The following ANKRD52 variants were observed in gnomAD, a reference collection of about 807,000 sequenced individuals.
ANKRD52 encodes the protein ankyrin repeat domain 52.
Under a neutral mutation model 116.0 loss-of-function variants are expected in ANKRD52, and 7 were observed. The ratio of observed to expected loss-of-function variants is 0.06; its 90% CI spans 0.03 to 0.11. The LOEUF (loss-of-function observed/expected upper bound fraction) is 0.11, where lower values mean the gene tolerates loss of function less well. Ranked by LOEUF, ANKRD52 falls within the 10% of genes least tolerant of loss-of-function variation. The probability of loss-of-function intolerance (pLI) is 1.00; values close to 1 mark genes in which losing one functional copy is unlikely to be tolerated. For synonymous variants in ANKRD52, 528 were observed against 578.1 expected, an observed-to-expected ratio of 0.91 and a Z score of 1.24; for missense variants, 839 against 1,408.6, an observed-to-expected ratio of 0.60 and a Z score of 6.47.
rs542975741 is a variant in ANKRD52 at position 56,245,513 on chromosome 12, C to T, written c.2268G>A (p.Thr756=). ...FVLCRDFKGR[T]PIHLASACGH... ...CACAGGCTGAGGCCAGGTGAATGGGCGTGCGGCCCTTAAAGTCTCGGCACA... is the reference window on the plus strand; with the variant it reads ...CACAGGCTGAGGCCAGGTGAATGGGTGTGCGGCCCTTAAAGTCTCGGCACA... The change falls in exon 21 of 28, where the codon ACG becomes ACA. Residue 756 remains threonine (T), a synonymous_variant. Coordinates refer to ENST00000267116, the MANE Select transcript of ANKRD52 (RefSeq NM_173595.4). 92 of 1,611,626 alleles carry T rather than the reference C, an allele frequency of 5.7e-5. No homozygotes were observed. Among genetic ancestry groups the T allele is most frequent in the South Asian group, 3.3e-4 (30 of 90,970 alleles).
chr12:56,252,255 A>G lies in ANKRD52; in HGVS notation c.1431T>C (p.Thr477=). The G allele has an allele frequency of 6.2e-7, 1 of 1,614,022 alleles. No homozygotes were observed. Among genetic ancestry groups the G allele is most frequent in the Non-Finnish European group, 8.5e-7 (1 of 1,179,878 alleles). ...GSYQCAVTLV[T]AGAGVNEADC... is the part of the protein sequence containing the mutation. The stretch of plus-strand genomic sequence containing the variant: ...CGGCCTCGTTGACACCTGCCCCAGC[A>G]GTCACCAATGTTACTGCACACTGGT... Residue 477 remains threonine (T), a synonymous_variant, in exon 14 of 28, where the codon ACT becomes ACC. Transcript: ENST00000267116. The surrounding 1 kb of genome is among the most constrained non-coding windows in gnomAD (Gnocchi z 4.7).
rs201737782 is a variant in ANKRD52, at chr12:56,245,546, T to C, written c.2235A>G (p.Ala745=). ...DCLAALLDHD[A]FVLCRDFKGR... ...CCTTAAAGTCTCGGCACAGCACAAATGCGTCGTGGTCCAGCAGGGCAGCCA... is the reference window on the plus strand; with the variant it reads ...CCTTAAAGTCTCGGCACAGCACAAACGCGTCGTGGTCCAGCAGGGCAGCCA... Residue 745 remains alanine (A), a synonymous_variant, in exon 21 of 28, where the codon GCA becomes GCG. Transcript: ENST00000267116. 98 of 1,610,136 alleles carry C rather than the reference T, an allele frequency of 6.1e-5. No individual in the cohort carries two copies. Among genetic ancestry groups the C allele is most frequent in the Non-Finnish European group, 8.2e-5 (97 of 1,178,546 alleles).
At position 56,253,260 on chromosome 12, in the gene ANKRD52, C is replaced by A. The variant is rs1565611698; in HGVS notation, c.1100+28G>T. On this transcript the variant is annotated intron_variant, in intron 10 of 27. Transcript: ENST00000267116. The surrounding 1 kb of genome is among the most constrained non-coding windows in gnomAD (Gnocchi z 5.5). ...GCAGTCTGTGCAGATCTGGGCAGCC[C>A]AGAAGTGGAGTCGGGGCCCTGACTC... 6.2e-7 allele frequency: 1 copy of A among 1,600,290 alleles called. No homozygotes were observed. The highest frequency in any genetic ancestry group is 2.2e-5 in the East Asian group (1 of 44,766).
At position 56,253,299 on chromosome 12, in the gene ANKRD52, T is replaced by G; in HGVS notation, c.1089A>C (p.Ala363=). 6.2e-7 allele frequency: 1 copy of G among 1,613,542 alleles called. No individual in the cohort carries two copies. The highest frequency in any genetic ancestry group is 2.2e-5 in the East Asian group (1 of 44,876). The change falls in exon 10 of 28, where the codon GCA becomes GCC. Residue 363 remains alanine, a synonymous_variant. Coordinates refer to ENST00000267116, the MANE Select transcript of ANKRD52 (RefSeq NM_173595.4). The surrounding 1 kb of genome is among the most constrained non-coding windows in gnomAD (Gnocchi z 5.5). ...LLISTLMTNG[A]DTARRGIHDM... is the part of the protein sequence containing the mutation. ...GGGCCCTGACTCACCGGGCGGTATC[T>G]GCGCCATTGGTCATGAGGGTGCTGA...
In ANKRD52 at chr12:56,253,551, A is replaced by G; in HGVS notation, c.986-149T>C. The G allele has an allele frequency of 1.1e-6, 1 of 937,732 alleles. No individual in the cohort carries two copies. Among genetic ancestry groups the G allele is most frequent in the Non-Finnish European group, 1.6e-6 (1 of 610,738 alleles). 58.1% of individuals were successfully genotyped at this position (937,732 alleles called of 1,614,324 possible). ...TTTTATCCTGTTTCTAGGCCTTAGG[A>G]GACTGGGCAGGGCAGAGCAGGGCCA... is the stretch of plus-strand genomic sequence containing the variant. On this transcript the variant is annotated intron_variant, in intron 9 of 27. Coordinates refer to ENST00000267116, the MANE Select transcript of ANKRD52 (RefSeq NM_173595.4). This position sits in a 1 kb window ranked among gnomAD's most constrained non-coding sequence, Gnocchi z 5.5.
chr12:56,254,995 T>C lies in ANKRD52; in HGVS notation c.463-43A>G. On this transcript the variant is annotated intron_variant, in intron 5 of 27. Transcript: ENST00000267116. This position sits in a 1 kb window ranked among gnomAD's most constrained non-coding sequence, Gnocchi z 4.6. Reference sequence around the variant, plus strand: ...AGACACCTGTTCAGAGCTAGATTCGTGCCCTCAACCTACCTAAGAGCAGAG... The same window carrying C: ...AGACACCTGTTCAGAGCTAGATTCGCGCCCTCAACCTACCTAAGAGCAGAG... 6.3e-7 allele frequency: 1 copy of C among 1,584,976 alleles called. No homozygotes were observed. The highest frequency in any genetic ancestry group is 8.7e-7 in the Non-Finnish European group (1 of 1,155,350).
Position 56,252,475 on chromosome 12 carries a change from T to C in ANKRD52, c.1370+27A>G, listed in dbSNP as rs759727289. On this transcript the variant is annotated intron_variant, in intron 13 of 27. Transcript: ENST00000267116. The surrounding 1 kb of genome is among the most constrained non-coding windows in gnomAD (Gnocchi z 4.7). Reference sequence around the variant, plus strand: ...TTTGTTTCTCTAATCAGATATTCCCTATGTTTACCCCTGCATATTAGCATA... The same window carrying C: ...TTTGTTTCTCTAATCAGATATTCCCCATGTTTACCCCTGCATATTAGCATA... The C allele has an allele frequency of 6.8e-6, 11 of 1,607,628 alleles. No homozygotes were observed. The South Asian group carries it at 1.2e-4, about 18-fold the overall frequency.
At position 56,248,057 on chromosome 12, in the gene ANKRD52, C is replaced by T. The variant is rs1433894703; in HGVS notation, c.1944G>A (p.Glu648=). ...TAHGASALIK[E]RKRKWTPLHA... is the part of the protein sequence containing the mutation. ...GCAGGGGTGTCCACTTGCGCTTGCG[C>T]TCCTTGATGAGGGCAGAGGCGCCGT... The change falls in exon 18 of 28, where the codon GAG becomes GAA. Residue 648 remains glutamate (E), a synonymous_variant. Coordinates refer to ENST00000267116, the MANE Select transcript of ANKRD52 (RefSeq NM_173595.4). This position sits in a 1 kb window ranked among gnomAD's most constrained non-coding sequence, Gnocchi z 5.1. The T allele has an allele frequency of 6.2e-7, 1 of 1,609,738 alleles. No homozygotes were observed. The highest frequency in any genetic ancestry group is 1.7e-5 in the Admixed American group (1 of 59,994).
At chr12:56,249,053 C>G (rs969054735) in intron 15 of ANKRD52, among the ~76,000 whole-genome samples, 183 bp from the exon 16 acceptor site, 1 of 152,224 alleles carries the variant, frequency 6.6e-6, no homozygotes, top group Non-Finnish European at 1.5e-5. Flanking sequence ...CCCACTTTAC[C>G]TTCTCAAGGT....
chr12:56,241,124 G>C lies in ANKRD52; in HGVS notation c.*2018C>G, dbSNP rs1871149847. ...AGGTCACATTGATTGTCATATAGGGGAGGACACGGTGTGGAGGGAGGTGGG... is the reference window on the plus strand; with the variant it reads ...AGGTCACATTGATTGTCATATAGGGCAGGACACGGTGTGGAGGGAGGTGGG... On this transcript the variant is annotated 3_prime_UTR_variant, in exon 28 of 28. Coordinates refer to ENST00000267116, the MANE Select transcript of ANKRD52 (RefSeq NM_173595.4). The C allele has an allele frequency of 6.6e-6, 1 of 152,230 alleles. No individual in the cohort carries two copies. The highest frequency in any genetic ancestry group is 2.4e-5 in the African/African-American group (1 of 41,452). 9.4% of individuals were successfully genotyped at this position (152,230 alleles called of 1,614,324 possible).
rs1404675889 is a variant in ANKRD52 at position 56,244,470 on chromosome 12, C to T, written c.2723-35G>A. 4 of 1,609,600 alleles carry T rather than the reference C, an allele frequency of 2.5e-6. No homozygotes were observed. In the Admixed American group the frequency reaches 5.0e-5, roughly 20 times the overall value. On this transcript the variant is annotated intron_variant, in intron 24 of 27. Transcript: ENST00000267116. This position sits in a 1 kb window ranked among gnomAD's most constrained non-coding sequence, Gnocchi z 4.9. ...AAATGTGATAGAGGGACTGACCCCT[C>T]CCTCCAGAGCAGTAGCCATCCTGGC...
chr12:56,252,044 C>T lies in ANKRD52; in HGVS notation c.1563G>A (p.Leu521=), dbSNP rs767145471. 2 of 1,613,948 alleles carry T rather than the reference C, an allele frequency of 1.2e-6. No homozygotes were observed. The highest frequency in any genetic ancestry group is 1.3e-5 in the African/African-American group (1 of 75,066). The part of the protein sequence containing the change: ...SSHDAEEDEP[L]KESRRKEAFF... ...AGGCCTCCTTCCTGCGGGACTCCTT[C>T]AGTGGCTCGTCCTCTTCGGCATCAT... The change falls in exon 15 of 28, where the codon CTG becomes CTA. Residue 521 remains leucine (L), a synonymous_variant. Coordinates refer to ENST00000267116, the MANE Select transcript of ANKRD52 (RefSeq NM_173595.4). This position sits in a 1 kb window ranked among gnomAD's most constrained non-coding sequence, Gnocchi z 4.7.
rs754187810 is a variant in ANKRD52 at position 56,254,555 on chromosome 12, ACCC to A, written c.693+20_693+22del. Reference sequence around the variant, plus strand: ...TCCTACTTGCTGCCCATAGTTCCCAACCCCAGAGCTCAAAGCCCTGACCTCCGC... The same window carrying A: ...TCCTACTTGCTGCCCATAGTTCCCAACAGAGCTCAAAGCCCTGACCTCCGC... On this transcript the variant is annotated intron_variant, in intron 7 of 27. Transcript: ENST00000267116. The surrounding 1 kb of genome is among the most constrained non-coding windows in gnomAD (Gnocchi z 4.6). 1 of 1,610,108 alleles carries A rather than the reference ACCC, an allele frequency of 6.2e-7. No homozygotes were observed. The highest frequency in any genetic ancestry group is 8.5e-7 in the Non-Finnish European group (1 of 1,178,342).
chr12:56,257,147 A>C lies in ANKRD52; in HGVS notation c.191-62T>G. The C allele has an allele frequency of 2.5e-6, 4 of 1,578,120 alleles. No homozygotes were observed. In the Admixed American group the frequency reaches 5.5e-5, roughly 22 times the overall value. ...GGGAGGAGGTATGAAGGAAGCCAGT[A>C]ATCAGGCCAGGAAATCTGAATGGAG... is the stretch of plus-strand genomic sequence containing the variant. On this transcript the variant is annotated intron_variant, in intron 3 of 27. Transcript: ENST00000267116.
chr12:56,243,226 G>A lies in ANKRD52; in HGVS notation c.3147C>T (p.Cys1049=), dbSNP rs750404672. ...AGGAGGCCCCATGGGGCAGGGCGCC[G>A]CAGCCACCCACCGTCTTGGCGGCTG... ...SIAAAKTVGG[C]GALPHGASCP... Residue 1049 remains cysteine, a synonymous_variant, in exon 28 of 28, where the codon TGC becomes TGT. Coordinates refer to ENST00000267116, the MANE Select transcript of ANKRD52 (RefSeq NM_173595.4). The surrounding 1 kb of genome is among the most constrained non-coding windows in gnomAD (Gnocchi z 4.6). 8.2e-5 allele frequency: 132 copies of A among 1,613,576 alleles called. No individual in the cohort carries two copies. The highest frequency in any genetic ancestry group is 1.0e-4 in the Non-Finnish European group (119 of 1,179,796).
Position 56,243,460 on chromosome 12 carries a change from A to AATTTC in ANKRD52, c.2981-69_2981-68insGAAAT. On this transcript the variant is annotated intron_variant, in intron 27 of 27. Coordinates refer to ENST00000267116, the MANE Select transcript of ANKRD52 (RefSeq NM_173595.4). The surrounding 1 kb of genome is among the most constrained non-coding windows in gnomAD (Gnocchi z 4.6). ...CCTAGCCAGCCTCCCCCAAGCCCTGAAGTCTCTTCTCTGTGGAGGGAGCCA... is the reference window on the plus strand; with the variant it reads ...CCTAGCCAGCCTCCCCCAAGCCCTGAATTTCAGTCTCTTCTCTGTGGAGGGAGCCA... 6.5e-7 allele frequency: 1 copy of AATTTC among 1,536,944 alleles called. No homozygotes were observed.
In ANKRD52 at chr12:56,254,879, C is replaced by A. The variant is rs1302924088; in HGVS notation, c.536G>T (p.Trp179Leu). 6.2e-7 allele frequency: 1 copy of A among 1,613,130 alleles called. No individual in the cohort carries two copies. Among genetic ancestry groups the A allele is most frequent in the South Asian group, 1.1e-5 (1 of 91,076 alleles). Reference protein sequence around the residue: ...CDKKERQPLHWAAFLGHLEVL... With the variant: ...CDKKERQPLHLAAFLGHLEVL... ...TTCTCTCTCACCTAGAAAAGCTGCC[C>A]AATGCAGAGGCTGCCGCTCCTTTTT... Residue 179 changes from tryptophan (W) to leucine (L), a missense_variant, in exon 6 of 28, where the codon TGG (tryptophan) becomes TTG (leucine). Transcript: ENST00000267116. This position sits in a 1 kb window ranked among gnomAD's most constrained non-coding sequence, Gnocchi z 4.6.
rs1192006262 is a variant in ANKRD52 at position 56,243,829 on chromosome 12, G to T, written c.2936C>A (p.Ala979Asp). Residue 979 changes from alanine (A) to aspartate (D), a missense_variant, in exon 27 of 28, where the codon GCC becomes GAC. Physicochemically the swap from Ala to Asp is moderately radical, Grantham distance 126. Transcript: ENST00000267116. The surrounding 1 kb of genome is among the most constrained non-coding windows in gnomAD (Gnocchi z 4.6). ...ARNGLASVVQ[A>D]LLSHGATVLA... ...CACTGTGGCCCCATGACTCAGCAGG[G>T]CCTGTACCACAGAAGCTAGACCATT... is the stretch of plus-strand genomic sequence containing the variant. 2.6e-6 allele frequency: 4 copies of T among 1,566,188 alleles called. No homozygotes were observed. Among genetic ancestry groups the T allele is most frequent in the Non-Finnish European group, 1.7e-6 (2 of 1,155,254 alleles).
chr12:56,254,577 C>A lies in ANKRD52; in HGVS notation c.693+1G>T. On this transcript the variant is annotated splice_donor_variant, in intron 7 of 27. Transcript: ENST00000267116. LOFTEE classifies it high-confidence loss of function. The surrounding 1 kb of genome is among the most constrained non-coding windows in gnomAD (Gnocchi z 4.6). The stretch of plus-strand genomic sequence containing the variant: ...CCAACCCCAGAGCTCAAAGCCCTGA[C>A]CTCCGCTCCCATCCGAAGCAGGTAC... 6.2e-7 allele frequency: 1 copy of A among 1,613,656 alleles called. No individual in the cohort carries two copies. Among genetic ancestry groups the A allele is most frequent in the Non-Finnish European group, 8.5e-7 (1 of 1,179,786 alleles).
Sources: gnomAD v4.1 joint callset for allele counts (sites outside exome capture counted in the v4.1 genomes callset) on GRCh38, gnomAD v4.1.1 for gene constraint, Gnocchi (gnomAD v3.1) non-coding constraint, MANE v1.5 for transcripts, NCBI Gene and HGNC (gene_info 2026-07-23, HGNC 2026-07-21) for gene names.